The following NSUN6 variants were observed in gnomAD, a reference collection of about 807,000 sequenced individuals.
The protein encoded by NSUN6 is tRNA (cytosine(72)-C(5))-methyltransferase NSUN6.
NSUN6 carries 64 observed loss-of-function variants against 58.0 expected under a neutral mutation model. That is an observed-to-expected ratio of 1.10 (90% CI 0.90 to 1.36). The LOEUF (loss-of-function observed/expected upper bound fraction) is 1.36, where lower values mean the gene tolerates loss of function less well. NSUN6 is among the 40% of genes most tolerant of loss of function. The pLI is 0.00. For missense variants in NSUN6, 701 were observed against 550.1 expected (o/e 1.27, Z -2.74); for synonymous variants, 231 against 193.9 (o/e 1.19, Z -1.59).
chr10:18,597,116 A>T (rs1436610456), intron 6 of NSUN6, among the ~76,000 whole-genome samples: 1 of 152,164 alleles, frequency 6.6e-6, no homozygotes, highest in Non-Finnish European at 1.5e-5. Flanking sequence ...CTGGGACCTA[A>T]ATATATATTA....
At chr10:18,562,963 G>A (rs536445861) in intron 8 of NSUN6, among the ~76,000 whole-genome samples, 2 of 150,438 alleles carry the variant, frequency 1.3e-5, no homozygotes, top group Non-Finnish European at 3.0e-5. Flanking sequence ...GGAATGTAGT[G>A]AAAAATGGAA....
chr10:18,613,174 C>T (rs367550439), intron 5 of NSUN6, among the ~76,000 whole-genome samples: 3 of 152,158 alleles, frequency 2.0e-5, no homozygotes, highest in East Asian at 1.9e-4. Context: ...CAATCTTGGG[C>T]TCACTGCAAC....
rs754422533 is a variant in NSUN6, at chr10:18,548,195, T to G, written c.1114A>C (p.Thr372Pro). 1.2e-6 allele frequency: 2 copies of G among 1,613,282 alleles called. No individual in the cohort carries two copies. The highest frequency in any genetic ancestry group is 1.7e-6 in the Non-Finnish European group (2 of 1,179,380). The change falls in exon 10 of 11, where the codon ACG (threonine) becomes CCG (proline). Residue 372 changes from threonine to proline, a missense_variant. By Grantham distance (38) the Thr-to-Pro change is conservative (BLOSUM62 -1). Transcript: ENST00000377304. Reference sequence around the variant, plus strand: ...TTTTCGGCCAGTGTTATAGTGCACGTGCTATAAACCAGCACACCCTCTGGC... The same window carrying G: ...TTTTCGGCCAGTGTTATAGTGCACGGGCTATAAACCAGCACACCCTCTGGC... ...LKPEGVLVYS[T>P]CTITLAENEE... is the part of the protein sequence containing the mutation.
chr10:18,547,150 T>G (rs976944811), intron 10 of NSUN6, among the ~76,000 whole-genome samples: 2 of 152,156 alleles, frequency 1.3e-5, no homozygotes, highest in African/African-American at 4.8e-5. Flanking sequence ...AGAGGAATCA[T>G]AAGGCATTGA....
chr10:18,572,901 A>AT (rs2056451327), intron 8 of NSUN6, among the ~76,000 whole-genome samples: 2 of 134,752 alleles, frequency 1.5e-5, no homozygotes, highest in African/African-American at 5.7e-5. Context: ...TCTCCATTCC[A>AT]TTTTCCATTC....
chr10:18,633,222 C>T (rs552719107), intron 3 of NSUN6, among the ~76,000 whole-genome samples: 3 of 144,664 alleles, frequency 2.1e-5, no homozygotes, highest in Non-Finnish European at 4.5e-5. Flanking sequence ...CACATGGACA[C>T]AGGAAGGGGA....
chr10:18,565,272 TAATC>T lies in NSUN6; in HGVS notation c.923-13305_923-13302del, dbSNP rs779201448. On this transcript the variant is annotated intron_variant, in intron 8 of 10. Transcript: ENST00000377304. ...CCGTTTTCCATTCCAGTTCATTCCG[TAATC>T]AATTACATTTTCCATTCCATTCTGC... is the stretch of plus-strand genomic sequence containing the variant. 1.3e-4 allele frequency among the ~76,000 whole-genome samples: 20 copies of T among 151,040 alleles called. 1 individual carries two copies. In the South Asian group the frequency reaches 1.7e-3, roughly 13 times the overall value.
At chr10:18,642,438 T>C (rs1424484139) in intron 3 of NSUN6, 38 bp downstream of exon 3, 2 of 995,660 alleles carry the variant, frequency 2.0e-6, no homozygotes, top group African/African-American at 3.2e-5. Flanking sequence ...AAACTTTTAT[T>C]GAGAATAATA....
At chr10:18,603,221 A>G (rs1235260493) in intron 6 of NSUN6, among the ~76,000 whole-genome samples, 1 of 152,190 alleles carries the variant, frequency 6.6e-6, no homozygotes, top group Non-Finnish European at 1.5e-5. Flanking sequence ...TGAACCTGGG[A>G]GGCGGAGGTT....
chr10:18,561,070 AAATGG>A (rs1334349267), intron 8 of NSUN6, among the ~76,000 whole-genome samples: 2 of 147,878 alleles, frequency 1.4e-5, no homozygotes, highest in Non-Finnish European at 3.0e-5. Flanking sequence ...ATGGTATAGA[AAATGG>A]AATGGAATGG....
At chr10:18,564,900 T>C (rs985176088) in intron 8 of NSUN6, among the ~76,000 whole-genome samples, 6 of 149,888 alleles carry the variant, frequency 4.0e-5, no homozygotes, top group African/African-American at 1.5e-4. Context: ...TTTCATTGCA[T>C]TCTATTCTTC....
rs2691155 is a variant in NSUN6, at chr10:18,624,919, G to A, written c.312-8626C>T. On this transcript the variant is annotated intron_variant, in intron 3 of 10. Transcript: ENST00000377304. The stretch of plus-strand genomic sequence containing the variant: ...AGGTACAAACACATGTTTATTCGGA[G>A]CACCTGCTTTCCTTTCGGGAGTCTG... 9.2e-5 allele frequency among the ~76,000 whole-genome samples: 14 copies of A among 152,238 alleles called. 1 individual carries two copies. In the South Asian group the frequency reaches 2.5e-3, roughly 27 times the overall value.
At chr10:18,642,646 T>A in intron 2 of NSUN6, 91 bp from the exon 3 acceptor site, 1 of 682,314 alleles carries the variant, frequency 1.5e-6, no homozygotes, top group Non-Finnish European at 2.6e-6. Flanking sequence ...TACCACAGCA[T>A]GAAGCCCTAG....
intron 3 of NSUN6, among the ~76,000 whole-genome samples, chr10:18,633,150 G>A (rs905671328): frequency 6.6e-6 from 1 of 151,614 alleles, no homozygotes; most frequent in Non-Finnish European, 1.5e-5. Context: ...GTAAACTATG[G>A]CAAGAACAAA....
At chr10:18,585,616 A>G (rs540657293) in intron 8 of NSUN6, among the ~76,000 whole-genome samples, 8 of 152,338 alleles carry the variant, frequency 5.3e-5, no homozygotes, top group African/African-American at 1.9e-4. Context: ...TCAAACTCAT[A>G]GAAAGAATAG....
chr10:18,567,242 TATTCTATTCCTTTCTCC>T (rs1206800620), intron 8 of NSUN6, among the ~76,000 whole-genome samples: 84 of 151,072 alleles, frequency 5.6e-4, no homozygotes, highest in Admixed American at 4.8e-3. Flanking sequence ...TTCCATTCCA[TATTCTATTCCTTTCTCC>T]ATTCTATTCC....
intron 3 of NSUN6, among the ~76,000 whole-genome samples, chr10:18,634,795 G>A (rs959178125): frequency 4.3e-4 from 65 of 150,246 alleles, no homozygotes; most frequent in African/African-American, 1.5e-3. Flanking sequence ...AAAAACAAAC[G>A]AATGCAGAAG....
At chr10:18,585,803 AG>A (rs1302307264) in intron 8 of NSUN6, 145 bp downstream of exon 8, 4 of 606,004 alleles carry the variant, frequency 6.6e-6, no homozygotes, top group African/African-American at 3.9e-5. Context: ...AATTACCACA[AG>A]GATAAGTACA....
chr10:18,658,973 A>G (rs1054290544), upstream of NSUN6, among the ~76,000 whole-genome samples: 2 of 152,242 alleles, frequency 1.3e-5, no homozygotes, highest in Non-Finnish European at 1.5e-5. Context: ...GGGAACAGGA[A>G]TAAGTCAGGA....
Sources: gnomAD v4.1 joint callset for allele counts (sites outside exome capture counted in the v4.1 genomes callset) on GRCh38, gnomAD v4.1.1 for gene constraint, MANE v1.5 for transcripts, NCBI Gene and HGNC (gene_info 2026-07-23, HGNC 2026-07-21) for gene names.